Variants in PARD3B observed in about 807,000 individuals in gnomAD.
The protein encoded by PARD3B is partitioning defective 3 homolog B.
Under a neutral mutation model 130.2 loss-of-function variants are expected in PARD3B, and 103 were observed. That is an observed-to-expected ratio of 0.79 (90% CI 0.67 to 0.93). The LOEUF is 0.93. PARD3B is among the 40% of genes least tolerant of loss of function. PARD3B has a pLI of 0.00. For missense variants in PARD3B, 1,609 were observed against 1,499.2 expected, an observed-to-expected ratio of 1.07 and a Z score of -1.21; for synonymous variants, 583 against 553.2, an observed-to-expected ratio of 1.05 and a Z score of -0.76.
At chr2:204,750,887 T>C (rs140188807) in intron 2 of PARD3B, among the ~76,000 whole-genome samples, 2,720 of 152,302 alleles carry the variant, frequency 0.018, 34 homozygotes, top group Middle Eastern at 0.071. Flanking sequence ...TTGCAAAGGC[T>C]TTACATTTTT....
intron 19 of PARD3B, 88 bp downstream of exon 19, chr2:205,401,211 C>A: frequency 9.0e-7 from 1 of 1,110,342 alleles, no homozygotes. Flanking sequence ...GGAGAAATTT[C>A]ATTTTAAGAA....
chr2:204,720,547 G>C (rs6758329), intron 2 of PARD3B, among the ~76,000 whole-genome samples: 112,849 of 152,054 alleles, frequency 0.74, 43,439 homozygotes, highest in East Asian at 0.89. Flanking sequence ...TCAGATGGCT[G>C]ATGGTTGAAA....
At chr2:205,073,125 G>T (rs1353676763) in intron 4 of PARD3B, among the ~76,000 whole-genome samples, 2 of 151,984 alleles carry the variant, frequency 1.3e-5, no homozygotes, top group Admixed American at 6.6e-5. Context: ...TTGTTTTTTG[G>T]TTACTATTCC....
chr2:205,477,438 T>A (rs2049063325), intron 20 of PARD3B, among the ~76,000 whole-genome samples: 1 of 152,206 alleles, frequency 6.6e-6, no homozygotes, highest in Admixed American at 6.5e-5. Flanking sequence ...CCTTTGATGT[T>A]CAGTTGCCCT....
chr2:204,753,752 T>C (rs1373808968), intron 2 of PARD3B, among the ~76,000 whole-genome samples: 2 of 152,076 alleles, frequency 1.3e-5, no homozygotes, highest in Non-Finnish European at 2.9e-5. Flanking sequence ...TGAAATACTT[T>C]ATTCAAAATG....
At chr2:205,553,291 G>A in intron 21 of PARD3B, 33 bp from the exon 22 acceptor site, 2 of 1,585,854 alleles carry the variant, frequency 1.3e-6, no homozygotes, top group South Asian at 2.2e-5. Flanking sequence ...GTGTATAATG[G>A]ATCTTCATCT....
chr2:205,386,860 CATG>C (rs2045678316), intron 18 of PARD3B, among the ~76,000 whole-genome samples: 1 of 152,020 alleles, frequency 6.6e-6, no homozygotes, highest in African/African-American at 2.4e-5. Flanking sequence ...ATTAGATAAA[CATG>C]ATCTCACAGA....
intron 18 of PARD3B, among the ~76,000 whole-genome samples, chr2:205,392,002 CTTTTG>C (rs1204163420): frequency 1.1e-4 from 17 of 151,804 alleles, no homozygotes; most frequent in Admixed American, 1.1e-3. Flanking sequence ...GAGGCTCTCT[CTTTTG>C]TTTGTTTGGT....
intron 1 of PARD3B, among the ~76,000 whole-genome samples, chr2:204,553,671 T>TAC (rs2030683781): frequency 8.8e-6 from 1 of 114,034 alleles, no homozygotes; most frequent in African/African-American, 4.1e-5. Flanking sequence ...TATATATATA[T>TAC]ATATATATAT....
chr2:205,503,040 C>T (rs1056193602), intron 21 of PARD3B, among the ~76,000 whole-genome samples: 1 of 148,922 alleles, frequency 6.7e-6, no homozygotes, highest in Non-Finnish European at 1.5e-5. Flanking sequence ...TCTCTTCTCT[C>T]TTCCCTCTTC....
intron 18 of PARD3B, among the ~76,000 whole-genome samples, chr2:205,379,879 C>A (rs1009009360): frequency 2.6e-5 from 4 of 151,362 alleles, no homozygotes; most frequent in Middle Eastern, 3.2e-3. Context: ...ACCATCTTGG[C>A]TAATATGGTG....
chr2:205,605,593 G>A (rs768969400), intron 22 of PARD3B, among the ~76,000 whole-genome samples: 12 of 152,198 alleles, frequency 7.9e-5, no homozygotes, highest in African/African-American at 1.2e-4. Flanking sequence ...GGAGGCTACC[G>A]AATAGCAAAG....
At chr2:204,777,625 C>T (rs1006974230) in intron 2 of PARD3B, among the ~76,000 whole-genome samples, 1 of 152,018 alleles carries the variant, frequency 6.6e-6, no homozygotes, top group African/African-American at 2.4e-5. Context: ...AAAAATTAGC[C>T]AGGAATTGTG....
chr2:204,937,120 A>G (rs905842988), intron 2 of PARD3B, among the ~76,000 whole-genome samples: 4 of 152,242 alleles, frequency 2.6e-5, no homozygotes, highest in Non-Finnish European at 4.4e-5. Context: ...TTAATTGTCT[A>G]CTGGAACCAT....
chr2:204,596,842 C>T (rs1017665741), intron 1 of PARD3B, among the ~76,000 whole-genome samples: 2 of 151,618 alleles, frequency 1.3e-5, no homozygotes, highest in Non-Finnish European at 2.9e-5. Flanking sequence ...TGCTTGAACC[C>T]GGGAGGCAGA....
rs1025740697 is a variant in PARD3B at position 205,276,160 on chromosome 2, G to A, written c.2186-24370G>A. On this transcript the variant is annotated intron_variant, in intron 16 of 22. Coordinates refer to ENST00000406610, the MANE Select transcript of PARD3B (RefSeq NM_001302769.2). This position sits in a 1 kb window ranked among gnomAD's most constrained non-coding sequence, Gnocchi z 5.0. ...GAATTAAATATGGCATACATTAGCC[G>A]CTGATACAGGAAGACATATTTGAAA... Among the ~76,000 whole-genome samples, 3 of 152,164 alleles carry A rather than the reference G, an allele frequency of 2.0e-5. No homozygotes were observed. The highest frequency in any genetic ancestry group is 2.9e-5 in the Non-Finnish European group (2 of 68,034).
intron 2 of PARD3B, among the ~76,000 whole-genome samples, chr2:204,735,647 T>C (rs755067819): frequency 5.3e-5 from 8 of 152,108 alleles, no homozygotes; most frequent in Non-Finnish European, 4.4e-5. Context: ...GTGGAAAAAG[T>C]TGTAAAAGAC....
At chr2:204,778,168 C>A (rs941073398) in intron 2 of PARD3B, among the ~76,000 whole-genome samples, 2 of 147,902 alleles carry the variant, frequency 1.4e-5, no homozygotes, top group African/African-American at 5.1e-5. Context: ...AAAAAAAGAT[C>A]GTCATCTTGT....
intron 21 of PARD3B, among the ~76,000 whole-genome samples, chr2:205,541,628 G>A (rs546559333): frequency 5.9e-5 from 9 of 152,096 alleles, no homozygotes; most frequent in East Asian, 1.9e-4. Flanking sequence ...GATTACAGGC[G>A]TGAGCCACCG....
Sources: allele counts gnomAD v4.1 joint callset (sites outside exome capture counted in the v4.1 genomes callset), GRCh38; gene constraint gnomAD v4.1.1; non-coding constraint Gnocchi (gnomAD v3.1); transcripts MANE v1.5; gene names NCBI Gene and HGNC (gene_info 2026-07-23, HGNC 2026-07-21).